CR1L: variants seen among roughly 807,000 people sequenced by gnomAD.
CR1L encodes the protein complement component receptor 1-like protein.
In CR1L, 59 loss-of-function variants were observed where a neutral mutation model predicts 62.3. The observed-to-expected ratio is 0.95, with a 90% CI of 0.77 to 1.18. CR1L has a LOEUF of 1.18. CR1L is among the 50% of genes most tolerant of loss of function. The pLI is 0.00. For synonymous variants in CR1L, 279 were observed against 248.7 expected (o/e 1.12, Z -1.15); for missense variants, 700 against 702.8 (o/e 1.00, Z 0.04).
chr1:207,692,014 C>T (rs114301677), intron 4 of CR1L, among the ~76,000 whole-genome samples: 3 of 152,108 alleles, frequency 2.0e-5, no homozygotes, highest in Non-Finnish European at 4.4e-5. Flanking sequence ...AGAAACAGCC[C>T]GATTGGTTAT....
At chr1:207,687,760 C>T (rs1311692853) in intron 4 of CR1L, among the ~76,000 whole-genome samples, 20 of 152,024 alleles carry the variant, frequency 1.3e-4, no homozygotes, top group Non-Finnish European at 2.9e-5. Flanking sequence ...AAACTTTTGT[C>T]TGTTATTTAC....
intron 1 of CR1L, among the ~76,000 whole-genome samples, chr1:207,660,009 A>G (rs1045014419): frequency 5.9e-5 from 9 of 152,218 alleles, no homozygotes; most frequent in African/African-American, 2.2e-4. Context: ...GTGTAAACAA[A>G]GCGCCAGGGA....
intron 1 of CR1L, among the ~76,000 whole-genome samples, chr1:207,645,581 C>T (rs547575426): frequency 2.7e-4 from 41 of 152,280 alleles, no homozygotes; most frequent in Admixed American, 2.3e-3. Flanking sequence ...GGCTGCGTTC[C>T]CAAAAGAAGC....
chr1:207,696,093 G>C (rs1324490925), intron 5 of CR1L, among the ~76,000 whole-genome samples: 1 of 152,150 alleles, frequency 6.6e-6, no homozygotes, highest in Non-Finnish European at 1.5e-5. Context: ...CCAGAGATCA[G>C]GGAGCTGCTG....
intron 1 of CR1L, among the ~76,000 whole-genome samples, chr1:207,652,365 A>G (rs1294289476): frequency 6.6e-6 from 1 of 152,272 alleles, no homozygotes; most frequent in East Asian, 1.9e-4. Flanking sequence ...TGTTACTTAA[A>G]ACATGCAAAT....
At chr1:207,651,447 C>G (rs1476166136) in intron 1 of CR1L, among the ~76,000 whole-genome samples, 1 of 152,130 alleles carries the variant, frequency 6.6e-6, no homozygotes, top group Non-Finnish European at 1.5e-5. Context: ...TGACCAGTCT[C>G]TCAACCTGAG....
rs879230806 is a variant in CR1L, at chr1:207,677,641, T to C, written c.277+73T>C. 9 of 1,534,168 alleles carry C rather than the reference T, an allele frequency of 5.9e-6. No homozygotes were observed. In the South Asian group the frequency reaches 1.0e-4, roughly 17 times the overall value. On this transcript the variant is annotated intron_variant, in intron 2 of 11. Coordinates refer to ENST00000508064, the MANE Select transcript of CR1L (RefSeq NM_175710.2). ...AGATCTGATTCAATTTGTTCAAATT[T>C]TGTAACTGAGTTGCATACAACAATT...
At chr1:207,677,215 A>C (rs67422482) in intron 1 of CR1L, among the ~76,000 whole-genome samples, 174 bp from the exon 2 acceptor site, 1 of 147,416 alleles carries the variant, frequency 6.8e-6, no homozygotes, top group Non-Finnish European at 1.5e-5. Flanking sequence ...CCATCTACTC[A>C]GGAGGCTGAG....
chr1:207,707,366 G>A (rs569356994), intron 9 of CR1L, among the ~76,000 whole-genome samples: 29 of 152,316 alleles, frequency 1.9e-4, no homozygotes, highest in African/African-American at 6.5e-4. Context: ...AGTGGCTCAC[G>A]CCTGTAGTCC....
chr1:207,706,590 A>G (rs1463918425), intron 9 of CR1L, among the ~76,000 whole-genome samples: 3 of 152,162 alleles, frequency 2.0e-5, no homozygotes, highest in African/African-American at 7.2e-5. Flanking sequence ...AAAATGTGAA[A>G]ATGTAATACC....
chr1:207,705,397 G>A (rs1400133430), intron 9 of CR1L, among the ~76,000 whole-genome samples: 1 of 152,198 alleles, frequency 6.6e-6, no homozygotes, highest in Non-Finnish European at 1.5e-5. Context: ...AGTGTCAGGT[G>A]CTCACAGCGC....
chr1:207,691,190 A>C (rs1663990838), intron 4 of CR1L, among the ~76,000 whole-genome samples: 1 of 152,164 alleles, frequency 6.6e-6, no homozygotes, highest in Non-Finnish European at 1.5e-5. Context: ...TGCATTTGTT[A>C]AATTTTTTGT....
chr1:207,719,697 C>T (rs1654089777), intron 11 of CR1L, among the ~76,000 whole-genome samples: 1 of 151,984 alleles, frequency 6.6e-6, no homozygotes, highest in Non-Finnish European at 1.5e-5. Context: ...CCAGCCTGGA[C>T]AACAAACAAG....
chr1:207,716,001 T>G (rs1250770456), intron 10 of CR1L, among the ~76,000 whole-genome samples: 1 of 152,166 alleles, frequency 6.6e-6, no homozygotes, highest in Admixed American at 6.5e-5. Flanking sequence ...AGCCAAATTC[T>G]TATGTTCTTT....
intron 10 of CR1L, among the ~76,000 whole-genome samples, chr1:207,715,578 T>C (rs1221337081): frequency 2.6e-5 from 4 of 152,262 alleles, no homozygotes; most frequent in Non-Finnish European, 5.9e-5. Flanking sequence ...TACTAATCTG[T>C]AAATCACTTA....
intron 1 of CR1L, chr1:207,669,704 C>T (rs1663580628): frequency 1.7e-6 from 1 of 572,758 alleles, no homozygotes; most frequent in Admixed American, 3.3e-5. Context: ...GCTGAGCGCG[C>T]TACCTGGCAG....
chr1:207,711,184 TC>T (rs1664351693), intron 10 of CR1L, among the ~76,000 whole-genome samples: 1 of 152,206 alleles, frequency 6.6e-6, no homozygotes, highest in Non-Finnish European at 1.5e-5. Context: ...TTTTGATGGC[TC>T]ATCTTGTCTA....
intron 4 of CR1L, among the ~76,000 whole-genome samples, chr1:207,684,469 A>G (rs548276589): frequency 1.3e-5 from 2 of 152,346 alleles, no homozygotes; most frequent in Non-Finnish European, 1.5e-5. Context: ...GCAGTTTGGT[A>G]TAAACTTTTC....
At chr1:207,652,734 T>C in intron 1 of CR1L, 1 of 811,960 alleles carries the variant, frequency 1.2e-6, no homozygotes, top group Non-Finnish European at 2.1e-6. Flanking sequence ...AGCCCTGTTA[T>C]AGTAAATAAA....
Sources: gnomAD v4.1 joint callset for allele counts (sites outside exome capture counted in the v4.1 genomes callset) on GRCh38, gnomAD v4.1.1 for gene constraint, MANE v1.5 for transcripts, NCBI Gene and HGNC (gene_info 2026-07-23, HGNC 2026-07-21) for gene names.